The following GABRA2 variants were observed in gnomAD, a reference collection of about 807,000 sequenced individuals.
The protein encoded by GABRA2 is gamma-aminobutyric acid type A receptor subunit alpha2, also known as gamma-aminobutyric acid receptor subunit alpha-2.
In GABRA2, 16 loss-of-function variants were observed where a neutral mutation model predicts 48.7. The observed-to-expected ratio is 0.33, with a 90% CI of 0.22 to 0.50. The LOEUF (loss-of-function observed/expected upper bound fraction) is 0.50, where lower values mean the gene tolerates loss of function less well. Ranked by LOEUF, GABRA2 falls within the 20% of genes least tolerant of loss-of-function variation. GABRA2 has a pLI of 0.98. For missense variants in GABRA2, 275 were observed against 535.6 expected (o/e 0.51, Z 4.80); for synonymous variants, 185 against 184.5 (o/e 1.00, Z -0.02).
chr4:46,301,427 C>T (rs150786185), intron 8 of GABRA2, among the ~76,000 whole-genome samples: 4 of 152,262 alleles, frequency 2.6e-5, no homozygotes, highest in African/African-American at 7.2e-5. Flanking sequence ...CTTGCTATAA[C>T]CCGTTAAGAT....
chr4:46,250,738 AAAAT>A (rs1203017152), intron 9 of GABRA2, 134 bp from the exon 10 acceptor site: 4 of 636,910 alleles, frequency 6.3e-6, no homozygotes, highest in Admixed American at 6.6e-5. Context: ...AGAAATTAGG[AAAAT>A]AAATAAAGGT....
rs528277503 is a variant in GABRA2, at chr4:46,367,623, G to A, written c.187+18451C>T. On this transcript the variant is annotated intron_variant, in intron 3 of 9. Transcript: ENST00000381620. Reference sequence around the variant, plus strand: ...ACCAAGAAAAGAGAAGGTACATAAAGTTGACTATATCCAAAAAAGCATGGT... The same window carrying A: ...ACCAAGAAAAGAGAAGGTACATAAAATTGACTATATCCAAAAAAGCATGGT... 13 of 152,154 alleles carry A rather than the reference G, an allele frequency of 8.5e-5. No homozygotes were observed. The South Asian group carries it at 1.2e-3, about 15-fold the overall frequency. The allele number at this position is 152,154 out of a possible 1,614,324, so 9.4% of individuals were successfully genotyped here. A position where few individuals can be genotyped will look rare whatever the true frequency, so the allele number is the denominator to read the frequency against.
At chr4:46,267,907 C>T (rs1175478308) in intron 8 of GABRA2, among the ~76,000 whole-genome samples, 1 of 151,902 alleles carries the variant, frequency 6.6e-6, no homozygotes, top group Non-Finnish European at 1.5e-5. Context: ...ATTATGGATG[C>T]TGTTTCAGAT....
At position 46,248,776 on chromosome 4, in the gene GABRA2, T is replaced by G. The variant is rs2109366009; in HGVS notation, c.*1532A>C. On this transcript the variant is annotated 3_prime_UTR_variant, in exon 10 of 10. Transcript: ENST00000381620. ...ATAAATGTTACTATTTGACTACTTATGTTTCTACAAAAACACCATCGTAAA... is the reference window on the plus strand; with the variant it reads ...ATAAATGTTACTATTTGACTACTTAGGTTTCTACAAAAACACCATCGTAAA... 1 of 151,604 alleles carries G rather than the reference T, an allele frequency of 6.6e-6. No homozygotes were observed. Among genetic ancestry groups the G allele is most frequent in the Non-Finnish European group, 1.5e-5 (1 of 67,658 alleles). The allele number at this position is 151,604 out of a possible 1,614,324, so 9.4% of individuals were successfully genotyped here.
chr4:46,372,478 G>A (rs1715048674), intron 3 of GABRA2, among the ~76,000 whole-genome samples: 1 of 152,070 alleles, frequency 6.6e-6, no homozygotes, highest in East Asian at 1.9e-4. Context: ...GAAACACTAA[G>A]GAAGGTGATT....
At chr4:46,318,475 A>C (rs755449819) in intron 4 of GABRA2, among the ~76,000 whole-genome samples, 29 of 151,644 alleles carry the variant, frequency 1.9e-4, no homozygotes, top group Admixed American at 1.8e-3. Context: ...TTTCCAAATA[A>C]ATTATTTTCA....
chr4:46,332,226 T>C (rs1731487539), intron 4 of GABRA2, among the ~76,000 whole-genome samples: 1 of 152,180 alleles, frequency 6.6e-6, no homozygotes, highest in Non-Finnish European at 1.5e-5. Context: ...TTTTTAAATG[T>C]GATACACTGA....
intron 3 of GABRA2, among the ~76,000 whole-genome samples, chr4:46,382,464 G>T (rs1352444284): frequency 1.3e-5 from 2 of 152,004 alleles, no homozygotes; most frequent in Non-Finnish European, 2.9e-5. Context: ...TGTGAGGTGA[G>T]GTTAAAGAAA....
chr4:46,331,358 G>A (rs528605046), intron 4 of GABRA2, among the ~76,000 whole-genome samples: 7 of 152,280 alleles, frequency 4.6e-5, no homozygotes, highest in African/African-American at 1.7e-4. Context: ...CAGAGGTGTG[G>A]CTCTGATGGA....
At chr4:46,354,072 G>A (rs1487953098) in intron 3 of GABRA2, among the ~76,000 whole-genome samples, 1 of 152,104 alleles carries the variant, frequency 6.6e-6, no homozygotes, top group East Asian at 1.9e-4. Flanking sequence ...CATTCTACCT[G>A]CCAGTGCTTT....
chr4:46,288,887 T>C (rs1306792919), intron 8 of GABRA2, among the ~76,000 whole-genome samples: 2 of 127,094 alleles, frequency 1.6e-5, no homozygotes, highest in South Asian at 4.5e-4. Flanking sequence ...ACAATGAAAG[T>C]AGACAAAAAA....
At chr4:46,277,793 C>A (rs969473769) in intron 8 of GABRA2, among the ~76,000 whole-genome samples, 1 of 152,132 alleles carries the variant, frequency 6.6e-6, no homozygotes, top group Admixed American at 6.6e-5. Flanking sequence ...CTAGAGAGCA[C>A]GTCTAAAGGC....
chr4:46,293,701 G>C (rs7669378), intron 8 of GABRA2, among the ~76,000 whole-genome samples: 59,962 of 152,012 alleles, frequency 0.39, 12,275 homozygotes, highest in East Asian at 0.52. Context: ...TGGAAAAGAC[G>C]AAATGTAAGC....
chr4:46,331,772 T>G (rs920220747), intron 4 of GABRA2, among the ~76,000 whole-genome samples: 2 of 152,098 alleles, frequency 1.3e-5, no homozygotes, highest in African/African-American at 2.4e-5. Flanking sequence ...CTCACTCTCA[T>G]GCAGACTGGA....
chr4:46,321,607 G>A (rs1729459764), intron 4 of GABRA2, among the ~76,000 whole-genome samples: 1 of 151,986 alleles, frequency 6.6e-6, no homozygotes, highest in African/African-American at 2.4e-5. Context: ...AGGGTACCTG[G>A]CTTTGAGCAG....
At chr4:46,356,848 C>T (rs1047104340) in intron 3 of GABRA2, among the ~76,000 whole-genome samples, 7 of 152,090 alleles carry the variant, frequency 4.6e-5, no homozygotes, top group Admixed American at 4.6e-4. Flanking sequence ...CCATAAATAC[C>T]TCTCCTGAGG....
chr4:46,386,419 T>C (rs1390028205), intron 2 of GABRA2, among the ~76,000 whole-genome samples: 3 of 152,186 alleles, frequency 2.0e-5, no homozygotes, highest in Admixed American at 6.5e-5. Flanking sequence ...GTTAACATTA[T>C]TTGAGATTCT....
rs1240870029 is a variant in GABRA2 at position 46,247,823 on chromosome 4, G to A, written c.*2485C>T. The stretch of plus-strand genomic sequence containing the variant: ...CGGAGCATCCCTAGTCTCCCCACAA[G>A]AGAAGAAGCTCCTTTTGATTTATTT... On this transcript the variant is annotated 3_prime_UTR_variant, in exon 10 of 10. Transcript: ENST00000381620. 6.6e-6 allele frequency among the ~76,000 whole-genome samples: 1 copy of A among 151,192 alleles called. No individual in the cohort carries two copies. The highest frequency in any genetic ancestry group is 2.4e-5 in the African/African-American group (1 of 41,310).
chr4:46,387,299 GACAATATGTAATT>G (rs1171347845), intron 2 of GABRA2, among the ~76,000 whole-genome samples: 5 of 152,078 alleles, frequency 3.3e-5, no homozygotes. Flanking sequence ...TAAAATAAAA[GACAATATGTAATT>G]ACATTCTGAT....
Sources: gnomAD v4.1 joint callset for allele counts (sites outside exome capture counted in the v4.1 genomes callset) on GRCh38, gnomAD v4.1.1 for gene constraint, MANE v1.5 for transcripts, NCBI Gene and HGNC (gene_info 2026-07-23, HGNC 2026-07-21) for gene names.